Variants in CCDC14 observed in about 807,000 individuals in gnomAD.
CCDC14 encodes the protein coiled-coil domain-containing protein 14.
CCDC14 carries 71 observed loss-of-function variants against 81.4 expected under a neutral mutation model. The ratio of observed to expected loss-of-function variants is 0.87; its 90% CI spans 0.72 to 1.06. The LOEUF (loss-of-function observed/expected upper bound fraction) is 1.06, where lower values mean the gene tolerates loss of function less well. Among genes scored for constraint, CCDC14 ranks in the 50% least tolerant of loss-of-function variants. The pLI is 0.00. For missense variants in CCDC14, 1,046 were observed against 1,047.3 expected (o/e 1.00, Z 0.02); for synonymous variants, 332 against 364.8 (o/e 0.91, Z 1.03).
chr3:123,956,598 T>C lies in CCDC14; in HGVS notation c.86+142A>G, dbSNP rs544930298. 19 of 746,688 alleles carry C rather than the reference T, an allele frequency of 2.5e-5. No homozygotes were observed. The East Asian group carries it at 3.6e-4, about 14-fold the overall frequency. The allele number at this position is 746,688 out of a possible 1,614,324, so 46.3% of individuals were successfully genotyped here. ...CTGTTAAATACTAAAATGATTAACA[T>C]GGGTAGACATGAAAAATTGTTCCTC... On this transcript the variant is annotated intron_variant, in intron 2 of 12. Transcript: ENST00000409697.
At chr3:123,920,459 C>A (rs1161695775) in intron 12 of CCDC14, among the ~76,000 whole-genome samples, 1 of 152,166 alleles carries the variant, frequency 6.6e-6, no homozygotes, top group Non-Finnish European at 1.5e-5. Flanking sequence ...CATAACTGAA[C>A]TGTTAAAATT....
Position 123,956,422 on chromosome 3 carries a change from T to C in CCDC14, c.92A>G (p.Tyr31Cys). The change falls in exon 3 of 13, where the codon TAT becomes TGT. Residue 31 changes from tyrosine to cysteine, a missense_variant. Physicochemically the swap from Tyr to Cys is radical, Grantham distance 194. Transcript: ENST00000409697. The part of the protein sequence containing the change: ...AKLTNGKKAT[Y>C]LRKIPRFNAD... ...ATTAAAACGTGGTATTTTTCTTAAA[T>C]AGGTCCTGGAAAACAAGCTTATTAA... 4.5e-6 allele frequency: 7 copies of C among 1,542,818 alleles called. No individual in the cohort carries two copies. Among genetic ancestry groups the C allele is most frequent in the Non-Finnish European group, 6.1e-6 (7 of 1,141,658 alleles).
rs574690666 is a variant in CCDC14, at chr3:123,940,818, G to A, written c.1343+4031C>T. 5.9e-5 allele frequency among the ~76,000 whole-genome samples: 9 copies of A among 152,028 alleles called. No homozygotes were observed. In the East Asian group the frequency reaches 1.5e-3, roughly 26 times the overall value. ...CATTTCCATCTTTCATCTTGTTCCT[G>A]TACTCCAGACAGTCTAACTCAGCAG... is the stretch of plus-strand genomic sequence containing the variant. On this transcript the variant is annotated intron_variant, in intron 9 of 12. Coordinates refer to ENST00000409697, the MANE Select transcript of CCDC14 (RefSeq NM_001366335.1).
downstream of CCDC14, among the ~76,000 whole-genome samples, chr3:123,911,299 T>C (rs1055990328): frequency 3.3e-5 from 5 of 152,210 alleles, no homozygotes. Flanking sequence ...CTACAAGTGG[T>C]AATATTAATA....
intron 7 of CCDC14, among the ~76,000 whole-genome samples, chr3:123,948,066 A>G (rs989838257): frequency 1.3e-5 from 2 of 152,096 alleles, no homozygotes; most frequent in Non-Finnish European, 2.9e-5. Context: ...AATACAAACC[A>G]GAAACTAAAA....
At chr3:123,937,220 T>C (rs1323360136) in intron 9 of CCDC14, among the ~76,000 whole-genome samples, 1 of 152,084 alleles carries the variant, frequency 6.6e-6, no homozygotes, top group Non-Finnish European at 1.5e-5. Flanking sequence ...ACTGGCTGGA[T>C]CATATGTTAG....
intron 9 of CCDC14, among the ~76,000 whole-genome samples, chr3:123,943,800 A>T (rs1207142245): frequency 2.0e-5 from 3 of 152,096 alleles, no homozygotes; most frequent in African/African-American, 7.2e-5. Context: ...AGGGTGGTGC[A>T]CCCACCGAGG....
At position 123,955,891 on chromosome 3, in the gene CCDC14, T is replaced by C; in HGVS notation, c.304A>G (p.Lys102Glu). The change falls in exon 5 of 13, where the codon AAA (lysine) becomes GAA (glutamate). Residue 102 changes from lysine (K) to glutamate (E), a missense_variant. Physicochemically the swap from Lys to Glu is moderately conservative, Grantham distance 56. Transcript: ENST00000409697. Reference sequence around the variant, plus strand: ...GGAATAGTATGTTTTTCATGTCTTTTCTTTTTTGATCCGTATCTTTTGCTT... The same window carrying C: ...GGAATAGTATGTTTTTCATGTCTTTCCTTTTTTGATCCGTATCTTTTGCTT... ...LESKRYGSKKKRHEKHTIPLV... is the reference protein window; with the variant it reads ...LESKRYGSKKERHEKHTIPLV... 1 of 1,538,892 alleles carries C rather than the reference T, an allele frequency of 6.5e-7. No individual in the cohort carries two copies. The highest frequency in any genetic ancestry group is 8.8e-7 in the Non-Finnish European group (1 of 1,139,364).
At chr3:123,894,402 T>G (rs2034030477), downstream of CCDC14, among the ~76,000 whole-genome samples, 1 of 152,218 alleles carries the variant, frequency 6.6e-6, no homozygotes, top group Non-Finnish European at 1.5e-5. Flanking sequence ...AACCTTCAAT[T>G]TTGTTGTTCT....
chr3:123,899,305 C>T (rs529006804), intron 5 of CCDC14, among the ~76,000 whole-genome samples: 1 of 152,334 alleles, frequency 6.6e-6, no homozygotes, highest in African/African-American at 2.4e-5. Context: ...CTTGAGTACT[C>T]CACCCTAGCT....
In CCDC14 at chr3:123,898,884, G is replaced by GTTTT. The variant is rs10675830; in HGVS notation, c.668-1275_668-1272dup. ...TGTAGGTTTTTTTGTTTGTTTGGTT[G>GTTTT]TTTTTTTTTTTTTTTGGTAGAGATT... On this transcript the variant is annotated intron_variant, in intron 5 of 5. Coordinates refer to the CCDC14 transcript ENST00000479903. Among the ~76,000 whole-genome samples the GTTTT allele has an allele frequency of 1.6e-4, 23 of 139,592 alleles. 2 individuals carry two copies. Among genetic ancestry groups the GTTTT allele is most frequent in the African/African-American group, 5.5e-4 (21 of 38,178 alleles). 91.6% of individuals were successfully genotyped at this position (139,592 alleles called of 152,430 possible). A position where few individuals can be genotyped will look rare whatever the true frequency, so the allele number is the denominator to read the frequency against.
At chr3:123,902,329 A>G (rs1920215) in intron 5 of CCDC14, among the ~76,000 whole-genome samples, 2,964 of 152,338 alleles carry the variant, frequency 0.019, 85 homozygotes, top group African/African-American at 0.067. Flanking sequence ...CCATTCTGCA[A>G]TCCTAATGAA....
chr3:123,902,541 C>T (rs2034198420), intron 5 of CCDC14, among the ~76,000 whole-genome samples: 2 of 152,102 alleles, frequency 1.3e-5, no homozygotes, highest in African/African-American at 4.8e-5. Flanking sequence ...AATCTTCCAC[C>T]AAAACATAGA....
chr3:123,928,247 C>T (rs2035484463), intron 12 of CCDC14, among the ~76,000 whole-genome samples: 1 of 150,126 alleles, frequency 6.7e-6, no homozygotes, highest in Admixed American at 6.7e-5. Flanking sequence ...CTGGTAATCC[C>T]AGCACTTTGG....
chr3:123,914,826 TG>T lies in CCDC14; in HGVS notation c.2670del (p.Asn890LysfsTer2). 6.3e-7 allele frequency: 1 copy of T among 1,594,406 alleles called. No individual in the cohort carries two copies. Among genetic ancestry groups the T allele is most frequent in the Non-Finnish European group, 8.5e-7 (1 of 1,169,828 alleles). ...FRNGLAALDA[N>X]IARLQKSLRT... ...CTTAAAGACTTCTGGAGTCTAGCTATGTTGGCATCTAATGCCGCAAGGCCAT... is the reference window on the plus strand; with the variant it reads ...CTTAAAGACTTCTGGAGTCTAGCTATTTGGCATCTAATGCCGCAAGGCCAT... On this transcript the variant is annotated frameshift_variant, in exon 13 of 13. Coordinates refer to ENST00000409697, the MANE Select transcript of CCDC14 (RefSeq NM_001366335.1). LOFTEE classifies it high-confidence loss of function.
the CCDC14 span, among the ~76,000 whole-genome samples, chr3:123,888,389 G>A: frequency 2.0e-5 from 3 of 152,074 alleles, no homozygotes; most frequent in Non-Finnish European, 2.9e-5. Context: ...AAGCTTTCCC[G>A]TTTGTTGTTT....
At chr3:123,921,410 G>C (rs942728167) in intron 12 of CCDC14, among the ~76,000 whole-genome samples, 7 of 152,088 alleles carry the variant, frequency 4.6e-5, no homozygotes, top group African/African-American at 1.7e-4. Flanking sequence ...CAGACTTTAA[G>C]TCAAAAACTG....
At chr3:123,931,926 A>G (rs2035742847) in intron 10 of CCDC14, among the ~76,000 whole-genome samples, 1 of 152,178 alleles carries the variant, frequency 6.6e-6, no homozygotes, top group Non-Finnish European at 1.5e-5. Flanking sequence ...TCGTGAAAAC[A>G]CTTTTACATA....
At position 123,956,409 on chromosome 3, in the gene CCDC14, T is replaced by C; in HGVS notation, c.105A>G (p.Ile35Met). 1.3e-6 allele frequency: 2 copies of C among 1,546,294 alleles called. No homozygotes were observed. The highest frequency in any genetic ancestry group is 1.7e-6 in the Non-Finnish European group (2 of 1,144,348). ...AGCCAGAATCTGCATTAAAACGTGG[T>C]ATTTTTCTTAAATAGGTCCTGGAAA... ...NGKKATYLRK[I>M]PRFNADSGYS... Residue 35 changes from isoleucine (I) to methionine (M), a missense_variant, in exon 3 of 13, where the codon ATA (isoleucine) becomes ATG (methionine). Coordinates refer to ENST00000409697, the MANE Select transcript of CCDC14 (RefSeq NM_001366335.1).
Sources: gnomAD v4.1 joint callset for allele counts (sites outside exome capture counted in the v4.1 genomes callset) on GRCh38, gnomAD v4.1.1 for gene constraint, MANE v1.5 for transcripts, NCBI Gene and HGNC (gene_info 2026-07-23, HGNC 2026-07-21) for gene names.